Variants in INTS15 observed in about 807,000 individuals in gnomAD.
The protein encoded by INTS15 is uncharacterized protein C7orf26.
At chr7:6,590,812 T>TA in the INTS15 span, among the ~76,000 whole-genome samples, 1 of 152,024 alleles carries the variant, frequency 6.6e-6, no homozygotes, top group Non-Finnish European at 1.5e-5. Flanking sequence ...GCTTTCTTCT[T>TA]ACATCTTTTT....
At chr7:6,600,194 C>T in the INTS15 span, 1 of 1,614,234 alleles carries the variant, frequency 6.2e-7, no homozygotes, top group Admixed American at 1.7e-5. Flanking sequence ...GCGCCTGGGG[C>T]TGATCCTCTT....
chr7:6,591,953 C>T, the INTS15 span: 2 of 1,275,202 alleles, frequency 1.6e-6, no homozygotes, highest in Middle Eastern at 2.7e-4. Flanking sequence ...GGGCGGATCA[C>T]TTGAGGTCAG....
chr7:6,601,602 C>T, the INTS15 span, among the ~76,000 whole-genome samples: 14 of 150,514 alleles, frequency 9.3e-5, no homozygotes, highest in East Asian at 7.9e-4. Context: ...AGCCAGGGGA[C>T]GGGTTTTTTA....
At chr7:6,606,847 A>G in the INTS15 span, among the ~76,000 whole-genome samples, 1 of 152,078 alleles carries the variant, frequency 6.6e-6, no homozygotes, top group African/African-American at 2.4e-5. Context: ...CTGGGACTAA[A>G]GGTGTGCACC....
the INTS15 span, chr7:6,599,694 G>C: frequency 2.4e-6 from 2 of 820,228 alleles, no homozygotes; most frequent in Non-Finnish European, 3.9e-6. Flanking sequence ...ACAGAAAATA[G>C]CTAAGCCAGG....
At chr7:6,595,230 C>G in the INTS15 span, among the ~76,000 whole-genome samples, 1 of 152,062 alleles carries the variant, frequency 6.6e-6, no homozygotes, top group Non-Finnish European at 1.5e-5. Context: ...CAGGGTTTCG[C>G]CATGTTGTCC....
the INTS15 span, chr7:6,600,186 G>T: frequency 1.2e-6 from 2 of 1,614,212 alleles, no homozygotes; most frequent in Non-Finnish European, 1.7e-6. Context: ...CTGTATGGGC[G>T]CCTGGGGCTG....
At chr7:6,608,080 C>CCCCCCCCCCCCCCCCCCCG in the INTS15 span, 1 of 1,566,326 alleles carries the variant, frequency 6.4e-7, no homozygotes, top group Non-Finnish European at 8.7e-7. Context: ...CGGCCCACCC[C>CCCCCCCCCCCCCCCCCCCG]GCCGCCCACC....
At chr7:6,593,534 C>A in the INTS15 span, among the ~76,000 whole-genome samples, 1 of 151,656 alleles carries the variant, frequency 6.6e-6, no homozygotes, top group African/African-American at 2.4e-5. Context: ...CGGGGTTTCA[C>A]TGTGTTAGCC....
the INTS15 span, among the ~76,000 whole-genome samples, chr7:6,600,691 G>A: frequency 1.1e-3 from 171 of 151,986 alleles, no homozygotes; most frequent in African/African-American, 4.1e-3. Flanking sequence ...GGAGTCTCAC[G>A]CTGTTGTCCA....
chr7:6,603,472 A>G, the INTS15 span, among the ~76,000 whole-genome samples: 2 of 151,894 alleles, frequency 1.3e-5, no homozygotes, highest in African/African-American at 4.8e-5. Context: ...ACTTGAACCT[A>G]GGAGGCGGAG....
At chr7:6,606,427 G>C in the INTS15 span, among the ~76,000 whole-genome samples, 1 of 152,262 alleles carries the variant, frequency 6.6e-6, no homozygotes, top group Admixed American at 6.5e-5. Context: ...GGGTTGTTGT[G>C]GGACCCAGTT....
the INTS15 span, chr7:6,607,924 G>T: frequency 1.5e-5 from 24 of 1,595,328 alleles, no homozygotes; most frequent in African/African-American, 4.0e-5. This position sits in a 1 kb window ranked among gnomAD's most constrained non-coding sequence, Gnocchi z 6.0. Context: ...AGTCCCCGGA[G>T]CCCGCCCGCG....
At chr7:6,599,770 C>G in the INTS15 span, 5 of 1,549,322 alleles carry the variant, frequency 3.2e-6, no homozygotes, top group African/African-American at 5.4e-5. Flanking sequence ...CCTCTCTCCA[C>G]TTCCCGCCCC....
the INTS15 span, chr7:6,602,229 C>A: frequency 9.2e-7 from 1 of 1,082,008 alleles, no homozygotes; most frequent in Non-Finnish European, 1.4e-6. Flanking sequence ...GTCCTGGGTT[C>A]TTTGGGGAGA....
the INTS15 span, among the ~76,000 whole-genome samples, chr7:6,592,417 A>G: frequency 6.6e-6 from 1 of 151,454 alleles, no homozygotes; most frequent in Non-Finnish European, 1.5e-5. Flanking sequence ...AAATACAGAA[A>G]TTAGCCAGGC....
the INTS15 span, among the ~76,000 whole-genome samples, chr7:6,595,093 G>A: frequency 2.1e-3 from 321 of 152,154 alleles, 1 homozygote; most frequent in African/African-American, 7.5e-3. Context: ...GTGCAGAGGC[G>A]TGATCCCAGC....
chr7:6,606,074 A>G, the INTS15 span, among the ~76,000 whole-genome samples: 4 of 152,260 alleles, frequency 2.6e-5, no homozygotes, highest in South Asian at 2.1e-4. Flanking sequence ...AGTGCTTTCT[A>G]TCTCCGGCAG....
At chr7:6,593,748 C>G in the INTS15 span, among the ~76,000 whole-genome samples, 5 of 150,980 alleles carry the variant, frequency 3.3e-5, no homozygotes, top group African/African-American at 1.2e-4. Flanking sequence ...TTCCTAGGCC[C>G]AAGCCATCCT....
Sources: allele counts gnomAD v4.1 joint callset (sites outside exome capture counted in the v4.1 genomes callset), GRCh38; gene constraint gnomAD v4.1.1; non-coding constraint Gnocchi (gnomAD v3.1); transcripts MANE v1.5; gene names NCBI Gene and HGNC (gene_info 2026-07-23, HGNC 2026-07-21).